PCDHA6: variants seen among roughly 807,000 people sequenced by gnomAD.
PCDHA6 encodes the protein protocadherin alpha 6.
Under a neutral mutation model 60.3 loss-of-function variants are expected in PCDHA6, and 55 were observed. The ratio of observed to expected loss-of-function variants is 0.91; its 90% CI spans 0.73 to 1.14. The LOEUF (loss-of-function observed/expected upper bound fraction) is 1.14, where lower values mean the gene tolerates loss of function less well. Among genes scored for constraint, PCDHA6 ranks in the 50% most tolerant of loss-of-function variants. The pLI is 0.00. For synonymous variants in PCDHA6, 652 were observed against 557.9 expected (o/e 1.17, Z -2.38); for missense variants, 1,327 against 1,256.5 (o/e 1.06, Z -0.85).
chr5:140,883,362 C>T lies in PCDHA6; in HGVS notation c.2394+52877C>T, dbSNP rs1554177843. ...CTCCCCATCAGAGAAGACACTCAGC[C>T]TAGCGCCATTATTGCCCTAATCAGT... On this transcript the variant is annotated intron_variant, in intron 1 of 3. Transcript: ENST00000529310. The T allele has an allele frequency of 1.7e-5, 27 of 1,614,074 alleles. No homozygotes were observed. Among genetic ancestry groups the T allele is most frequent in the Non-Finnish European group, 2.3e-5 (27 of 1,180,046 alleles).
At chr5:140,862,749 G>A (rs993473584) in intron 1 of PCDHA6, 2 of 579,518 alleles carry the variant, frequency 3.5e-6, no homozygotes, top group Non-Finnish European at 6.7e-6. Context: ...GGGTGCACGC[G>A]GAGAGCGGCA....
intron 1 of PCDHA6, chr5:140,968,944 G>C (rs782732835): frequency 1.2e-6 from 2 of 1,614,152 alleles, no homozygotes; most frequent in Non-Finnish European, 8.5e-7. Context: ...TCATCATTTT[G>C]AGCATCATCA....
chr5:140,928,955 T>A, intron 1 of PCDHA6: 1 of 1,614,024 alleles, frequency 6.2e-7, no homozygotes, highest in Middle Eastern at 1.6e-4. Context: ...GTAATTGCCT[T>A]GGCTTGTATT....
Position 141,011,309 on chromosome 5 carries a change from A to G in PCDHA6, c.*1372A>G, listed in dbSNP as rs374038361. On this transcript the variant is annotated 3_prime_UTR_variant, in exon 4 of 4. Coordinates refer to ENST00000529310, the MANE Select transcript of PCDHA6 (RefSeq NM_018909.4). ...CTTTTCTATAACACTCTGAATTGCTAATCTTACTAACACCTATGATGTTAC... is the reference window on the plus strand; with the variant it reads ...CTTTTCTATAACACTCTGAATTGCTGATCTTACTAACACCTATGATGTTAC... 9.8e-5 allele frequency: 15 copies of G among 153,742 alleles called. No homozygotes were observed. The highest frequency in any genetic ancestry group is 1.9e-4 in the Non-Finnish European group (13 of 68,036). 9.5% of individuals were successfully genotyped at this position (153,742 alleles called of 1,614,324 possible). A position where few individuals can be genotyped will look rare whatever the true frequency, so the allele number is the denominator to read the frequency against.
intron 1 of PCDHA6, chr5:140,882,798 A>AT: frequency 6.2e-7 from 1 of 1,614,236 alleles, no homozygotes; most frequent in Non-Finnish European, 8.5e-7. Flanking sequence ...CCCAACGATT[A>AT]TTTCACTTTG....
intron 1 of PCDHA6, among the ~76,000 whole-genome samples, chr5:140,970,929 G>A (rs537614286): frequency 1.4e-4 from 22 of 152,192 alleles, no homozygotes; most frequent in Non-Finnish European, 2.9e-4. Flanking sequence ...AGTGCCTGGT[G>A]TTAGTCAATG....
intron 1 of PCDHA6, chr5:140,842,909 C>G: frequency 6.3e-7 from 1 of 1,594,530 alleles, no homozygotes; most frequent in Non-Finnish European, 8.6e-7. Context: ...GGAGCTAGAG[C>G]TGCTGCAGTT....
intron 1 of PCDHA6, chr5:140,853,184 T>G (rs1229624873): frequency 1.0e-6 from 1 of 977,906 alleles, no homozygotes; most frequent in East Asian, 1.1e-4. Context: ...TGGCCTAAAA[T>G]GTGTTCTTTA....
intron 2 of PCDHA6, among the ~76,000 whole-genome samples, chr5:140,979,831 A>G (rs1401761792): frequency 5.3e-5 from 8 of 152,236 alleles, no homozygotes; most frequent in African/African-American, 1.9e-4. Context: ...TTAAAGAAGA[A>G]ATAATCTTCA....
chr5:140,848,233 T>A lies in PCDHA6; in HGVS notation c.2394+17748T>A. 2 of 410,950 alleles carry A rather than the reference T, an allele frequency of 4.9e-6. 1 individual carries two copies. The allele number at this position is 410,950 out of a possible 1,614,324, so 25.5% of individuals were successfully genotyped here. A position where few individuals can be genotyped will look rare whatever the true frequency, so the allele number is the denominator to read the frequency against. Reference sequence around the variant, plus strand: ...TTAAGAAAAAATTAAGAAAATGAAATAAGTTTTGCAGAATAACTGTGAAAT... The same window carrying A: ...TTAAGAAAAAATTAAGAAAATGAAAAAAGTTTTGCAGAATAACTGTGAAAT... On this transcript the variant is annotated intron_variant, in intron 1 of 3. Transcript: ENST00000529310.
chr5:140,841,237 C>T (rs1428420937), intron 1 of PCDHA6: 16 of 1,479,782 alleles, frequency 1.1e-5, no homozygotes, highest in Middle Eastern at 2.0e-4. Context: ...GGAGATGCAG[C>T]GGAATTGGAT....
intron 1 of PCDHA6, among the ~76,000 whole-genome samples, chr5:140,873,862 T>A (rs188055479): frequency 4.1e-4 from 62 of 152,308 alleles, no homozygotes; most frequent in Admixed American, 1.1e-3. Context: ...GTTTTCACCA[T>A]GTTGGCCAGG....
intron 1 of PCDHA6, among the ~76,000 whole-genome samples, chr5:140,886,827 G>GA (rs782016620): frequency 0.032 from 1,958 of 60,672 alleles, 33 homozygotes; most frequent in African/African-American, 0.049. Context: ...ACTTCGTCTT[G>GA]AAAAAAAAAA....
intron 3 of PCDHA6, among the ~76,000 whole-genome samples, chr5:140,997,836 A>G (rs1335199291): frequency 3.3e-5 from 5 of 152,222 alleles, no homozygotes; most frequent in South Asian, 4.1e-4. Flanking sequence ...AAACAATACA[A>G]TATACATTCT....
intron 1 of PCDHA6, chr5:140,966,628 C>G (rs944715570): frequency 7.9e-5 from 76 of 964,108 alleles, no homozygotes; most frequent in Non-Finnish European, 1.0e-4. Flanking sequence ...GGGAGCGGCC[C>G]CAGGCGCTTT....
chr5:140,884,579 G>A (rs1035826331), intron 1 of PCDHA6: 5 of 1,614,058 alleles, frequency 3.1e-6, no homozygotes, highest in Admixed American at 1.7e-5. Flanking sequence ...GGACCTCATG[G>A]CCTTCAGTCC....
At chr5:141,006,745 T>C (rs1554260891) in intron 3 of PCDHA6, among the ~76,000 whole-genome samples, 1 of 152,144 alleles carries the variant, frequency 6.6e-6, no homozygotes, top group Non-Finnish European at 1.5e-5. Flanking sequence ...TGATGTATTA[T>C]AAATGGAGAA....
intron 3 of PCDHA6, among the ~76,000 whole-genome samples, chr5:141,001,563 C>A (rs531745574): frequency 6.6e-6 from 1 of 152,296 alleles, no homozygotes; most frequent in South Asian, 2.1e-4. Context: ...GACCACGATT[C>A]TCCTGTGTTT....
chr5:140,857,164 C>A (rs782269515), intron 1 of PCDHA6: 3 of 1,598,230 alleles, frequency 1.9e-6, no homozygotes, highest in South Asian at 1.1e-5. Context: ...CCCTAATCAG[C>A]GTTTCTGACC....
Sources: allele counts gnomAD v4.1 joint callset (sites outside exome capture counted in the v4.1 genomes callset), GRCh38; gene constraint gnomAD v4.1.1; transcripts MANE v1.5; gene names NCBI Gene and HGNC (gene_info 2026-07-23, HGNC 2026-07-21).